CCNG1: variants seen among roughly 807,000 people sequenced by gnomAD.
The protein encoded by CCNG1 is cyclin G1.
Under a neutral mutation model 30.0 loss-of-function variants are expected in CCNG1, and 13 were observed. That is an observed-to-expected ratio of 0.43 (90% CI 0.28 to 0.69). CCNG1 has a LOEUF of 0.69. Ranked by LOEUF, CCNG1 falls within the 30% of genes least tolerant of loss-of-function variation. The pLI is 0.16. For synonymous variants in CCNG1, 110 were observed against 121.5 expected (o/e 0.91, Z 0.62); for missense variants, 285 against 331.4 (o/e 0.86, Z 1.09).
chr5:163,453,817 T>C, the CCNG1 span: 2 of 433,634 alleles, frequency 4.6e-6, no homozygotes, highest in African/African-American at 4.1e-5. Flanking sequence ...ATGTAAATTA[T>C]GTTTGAATGC....
At chr5:163,440,198 A>G (rs905697193) in intron 2 of CCNG1, among the ~76,000 whole-genome samples, 1 of 152,166 alleles carries the variant, frequency 6.6e-6, no homozygotes, top group African/African-American at 2.4e-5. Flanking sequence ...GTGCATCATA[A>G]AAAAGGACTT....
In CCNG1 at chr5:163,443,979, A is replaced by G. The variant is rs2069369; in HGVS notation, c.*309A>G. On this transcript the variant is annotated 3_prime_UTR_variant, in exon 7 of 7. Transcript: ENST00000340828. ...TGATCTAACTTTAGATATTGGATCA[A>G]TATATTTAGGTGGTATTGAAAATGC... 3 of 393,030 alleles carry G rather than the reference A, an allele frequency of 7.6e-6. No homozygotes were observed. Among genetic ancestry groups the G allele is most frequent in the East Asian group, 4.5e-5 (1 of 22,288 alleles). 24.3% of individuals were successfully genotyped at this position (393,030 alleles called of 1,614,324 possible).
chr5:163,440,549 G>A (rs1481680240), intron 2 of CCNG1, among the ~76,000 whole-genome samples: 1 of 152,086 alleles, frequency 6.6e-6, no homozygotes, highest in African/African-American at 2.4e-5. Flanking sequence ...TGTCTCATAC[G>A]GCAGACATTC....
At chr5:163,443,635 T>C (rs1757939814) in intron 6 of CCNG1, 39 bp from the exon 7 acceptor site, 3 of 1,151,056 alleles carry the variant, frequency 2.6e-6, no homozygotes, top group Non-Finnish European at 2.5e-6. Context: ...GACTGGCTTC[T>C]GTTAAGTTGG....
At chr5:163,437,589 C>G (rs999385193), upstream of CCNG1, 7 of 152,092 alleles carry the variant, frequency 4.6e-5, no homozygotes, top group Non-Finnish European at 2.9e-5. Flanking sequence ...TTAGGGCAGG[C>G]GCGGCCCCTT....
chr5:163,441,068 G>T lies in CCNG1; in HGVS notation c.265-10G>T. The T allele has an allele frequency of 1.2e-6, 2 of 1,601,936 alleles. No homozygotes were observed. The highest frequency in any genetic ancestry group is 1.7e-6 in the Non-Finnish European group (2 of 1,175,668). On this transcript the variant is annotated splice_polypyrimidine_tract_variant and intron_variant, in intron 2 of 6. Coordinates refer to ENST00000340828, the MANE Select transcript of CCNG1 (RefSeq NM_004060.4). ...TCATGGGCTTACTGGTTTTGTTTTT[G>T]ATTTTTTAGGTACAGCCCAAGCACC...
At chr5:163,457,139 G>GTTTTTT in the CCNG1 span, 3 of 1,208,804 alleles carry the variant, frequency 2.5e-6, no homozygotes, top group Admixed American at 2.9e-5. Context: ...TCATCAAGTT[G>GTTTTTT]TTTTTTTTTT....
At chr5:163,457,139 G>GTTTT in the CCNG1 span, 566 of 1,208,080 alleles carry the variant, frequency 4.7e-4, no homozygotes, top group East Asian at 2.2e-3. Context: ...TCATCAAGTT[G>GTTTT]TTTTTTTTTT....
At chr5:163,439,577 G>T in intron 2 of CCNG1, 57 bp downstream of exon 2, 4 of 1,491,724 alleles carry the variant, frequency 2.7e-6, no homozygotes, top group Non-Finnish European at 3.6e-6. Context: ...AGATGGAATT[G>T]TTACCTTTTG....
chr5:163,451,891 C>CA, the CCNG1 span: 2 of 152,052 alleles, frequency 1.3e-5, no homozygotes, highest in African/African-American at 4.8e-5. Context: ...CCGTCTCTAC[C>CA]AAAAATTAAA....
intron 6 of CCNG1, 132 bp from the exon 7 acceptor site, chr5:163,443,542 C>T: frequency 1.7e-6 from 1 of 587,178 alleles, no homozygotes; most frequent in South Asian, 2.2e-5. Context: ...CTACTCAAAA[C>T]TAAATGTTAA....
chr5:163,441,475 A>C (rs1021752287), intron 3 of CCNG1, 144 bp downstream of exon 3: 2 of 731,936 alleles, frequency 2.7e-6, no homozygotes, highest in African/African-American at 3.6e-5. Context: ...AATGTCCATC[A>C]TAAGTGAGAA....
the CCNG1 span, chr5:163,452,775 T>C: frequency 2.0e-5 from 3 of 152,164 alleles, no homozygotes; most frequent in Non-Finnish European, 4.4e-5. Context: ...AATCATGAAG[T>C]ATCAGACAGA....
downstream of CCNG1, chr5:163,446,019 T>C (rs530349270): frequency 6.6e-6 from 1 of 152,296 alleles, no homozygotes; most frequent in East Asian, 1.9e-4. Flanking sequence ...CTTGGATCAA[T>C]TGTAATTATT....
At chr5:163,443,453 T>TA (rs1215786953) in intron 6 of CCNG1, among the ~76,000 whole-genome samples, 1 of 152,210 alleles carries the variant, frequency 6.6e-6, no homozygotes, top group African/African-American at 2.4e-5. Context: ...GTTATATGCA[T>TA]AAAAAATGTA....
chr5:163,449,688 A>G (rs1242762598), downstream of CCNG1: 2 of 152,236 alleles, frequency 1.3e-5, no homozygotes, highest in Admixed American at 6.5e-5. Context: ...AGCTGTGATA[A>G]TCAAGGCAAT....
chr5:163,454,257 A>G, the CCNG1 span, among the ~76,000 whole-genome samples: 2 of 152,236 alleles, frequency 1.3e-5, no homozygotes, highest in Non-Finnish European at 2.9e-5. Context: ...TCATATGTAC[A>G]CTACAATGTT....
chr5:163,457,320 C>A, the CCNG1 span, among the ~76,000 whole-genome samples: 1 of 151,972 alleles, frequency 6.6e-6, no homozygotes, highest in Non-Finnish European at 1.5e-5. Flanking sequence ...TTAGTATAAA[C>A]GGGGTTTTGC....
chr5:163,445,564 C>T (rs1758019957), downstream of CCNG1, among the ~76,000 whole-genome samples: 1 of 151,626 alleles, frequency 6.6e-6, no homozygotes, highest in African/African-American at 2.4e-5. Flanking sequence ...AGAGATCCTC[C>T]CACCTTAGCT....
Sources: allele counts gnomAD v4.1 joint callset (sites outside exome capture counted in the v4.1 genomes callset), GRCh38; gene constraint gnomAD v4.1.1; transcripts MANE v1.5; gene names NCBI Gene and HGNC (gene_info 2026-07-23, HGNC 2026-07-21).